The following LRRC69 variants were observed in gnomAD, a reference collection of about 807,000 sequenced individuals.
LRRC69 encodes leucine rich repeat containing 69, also known as leucine-rich repeat-containing protein 69.
LRRC69 carries 42 observed loss-of-function variants against 37.8 expected under a neutral mutation model. That is an observed-to-expected ratio of 1.11 (90% CI 0.87 to 1.44). LRRC69 has a LOEUF of 1.44. Ranked by LOEUF, LRRC69 falls within the 40% of genes most tolerant of loss-of-function variation. The pLI, the probability that LRRC69 is intolerant of heterozygous loss-of-function variation, is 0.00. For synonymous variants in LRRC69, 141 were observed against 143.1 expected, an observed-to-expected ratio of 0.99 and a Z score of 0.11; for missense variants, 357 against 401.9, an observed-to-expected ratio of 0.89 and a Z score of 0.96.
intron 1 of LRRC69, among the ~76,000 whole-genome samples, chr8:91,119,278 C>T (rs1813573773): frequency 6.6e-6 from 1 of 152,020 alleles, no homozygotes; most frequent in Non-Finnish European, 1.5e-5. Flanking sequence ...CACTGAAGCT[C>T]TGATGTATTT....
chr8:91,190,749 T>C (rs1319824149), intron 6 of LRRC69, among the ~76,000 whole-genome samples: 1 of 152,180 alleles, frequency 6.6e-6, no homozygotes, highest in Non-Finnish European at 1.5e-5. Flanking sequence ...TCTGGCTTTT[T>C]AGCCTTTATA....
downstream of LRRC69, chr8:91,219,122 A>G (rs2130660549): frequency 4.5e-6 from 2 of 447,132 alleles, no homozygotes; most frequent in South Asian, 8.6e-5. Flanking sequence ...ATAAAGGAAG[A>G]AAAATAATTC....
chr8:91,138,147 C>A (rs1010840214), intron 5 of LRRC69, among the ~76,000 whole-genome samples: 2 of 151,686 alleles, frequency 1.3e-5, no homozygotes, highest in African/African-American at 4.8e-5. Context: ...TAGTTGGTTT[C>A]CAGGAATAGA....
chr8:91,154,423 CA>C (rs978362578), intron 5 of LRRC69, among the ~76,000 whole-genome samples: 1 of 150,904 alleles, frequency 6.6e-6, no homozygotes, highest in African/African-American at 2.4e-5. Context: ...AGACACACAA[CA>C]AAAAAAACTT....
intron 1 of LRRC69, among the ~76,000 whole-genome samples, chr8:91,106,623 A>C (rs1030812322): frequency 1.3e-5 from 2 of 151,958 alleles, no homozygotes; most frequent in Admixed American, 6.6e-5. Flanking sequence ...GTAAATATAA[A>C]ATGAGGTCTC....
chr8:91,115,341 G>T (rs1757942536), intron 1 of LRRC69, among the ~76,000 whole-genome samples: 1 of 151,978 alleles, frequency 6.6e-6, no homozygotes, highest in African/African-American at 2.4e-5. Flanking sequence ...CTCCAGGCAG[G>T]TAACATATGA....
intron 5 of LRRC69, among the ~76,000 whole-genome samples, chr8:91,159,609 A>G (rs548145337): frequency 5.2e-4 from 79 of 151,386 alleles, no homozygotes; most frequent in Non-Finnish European, 8.4e-4. Flanking sequence ...GGCTGAAAAA[A>G]ACATGCATTT....
rs556372159 is a variant in LRRC69, at chr8:91,171,011, G to A, written c.652-18511G>A. The stretch of plus-strand genomic sequence containing the variant: ...TTTCGCAACCTACTCATCTGACAAA[G>A]GGCTAATATCCAGAATCTACAATGA... On this transcript the variant is annotated intron_variant, in intron 5 of 7. Transcript: ENST00000448384. 4.4e-3 allele frequency among the ~76,000 whole-genome samples: 662 copies of A among 149,044 alleles called. 5 individuals carry two copies. Among genetic ancestry groups the A allele is most frequent in the African/African-American group, 0.016 (640 of 40,510 alleles).
In LRRC69 at chr8:91,191,045, C is replaced by A. The variant is rs866394647; in HGVS notation, c.753+1422C>A. On this transcript the variant is annotated intron_variant, in intron 6 of 7. Transcript: ENST00000448384. ...CAGAGCAGGATCCTGTCTCAAACCC[C>A]CCCCCCCCCAAGTCAAAAAGCAACA... Among the ~76,000 whole-genome samples the A allele has an allele frequency of 5.4e-4, 76 of 141,084 alleles. 1 individual carries two copies. Among genetic ancestry groups the A allele is most frequent in the Admixed American group, 2.3e-3 (32 of 14,194 alleles). The allele number at this position is 141,084 out of a possible 152,430, so 92.6% of individuals were successfully genotyped here.
chr8:91,138,068 C>T (rs974041176), intron 5 of LRRC69, among the ~76,000 whole-genome samples: 11 of 151,764 alleles, frequency 7.2e-5, no homozygotes, highest in Non-Finnish European at 1.2e-4. Context: ...ATCTATATAA[C>T]GACAATATTA....
In LRRC69 at chr8:91,164,121, G is replaced by T. The variant is rs10956796; in HGVS notation, c.652-25401G>T. Among the ~76,000 whole-genome samples the T allele has an allele frequency of 2.8e-4, 42 of 151,332 alleles. 1 individual carries two copies. The South Asian group carries it at 5.4e-3, about 19-fold the overall frequency. Reference sequence around the variant, plus strand: ...TGGGATCAAATAAATTTATAGAAAAGTTCCTACAACTTTATAAATGTTAGC... The same window carrying T: ...TGGGATCAAATAAATTTATAGAAAATTTCCTACAACTTTATAAATGTTAGC... On this transcript the variant is annotated intron_variant, in intron 5 of 7. Transcript: ENST00000448384.
At chr8:91,214,193 A>G (rs1809994100) in intron 7 of LRRC69, among the ~76,000 whole-genome samples, 1 of 152,060 alleles carries the variant, frequency 6.6e-6, no homozygotes, top group South Asian at 2.1e-4. Context: ...GAAGGACAAT[A>G]TAAATTGTTG....
exon 1 of LRRC69, chr8:91,102,667 T>C (rs747491812): frequency 9.0e-6 from 14 of 1,550,082 alleles, no homozygotes; most frequent in Non-Finnish European, 1.1e-5. Flanking sequence ...AGATCATGAC[T>C]GAGAGATTGT....
intron 7 of LRRC69, among the ~76,000 whole-genome samples, chr8:91,218,681 A>T (rs1283573233): frequency 6.6e-6 from 1 of 152,118 alleles, no homozygotes; most frequent in East Asian, 1.9e-4. Flanking sequence ...ATCTTTCATC[A>T]TTTGGATTTT....
At position 91,135,682 on chromosome 8, in the gene LRRC69, TA is replaced by T. The variant is rs1813899532; in HGVS notation, c.600del (p.Lys200AsnfsTer2). ...TTCTGACACAGGAACTTTGTGATCT[TA>T]AAAAACTAAGAATCCTAGACATAGC... On this transcript the variant is annotated frameshift_variant, in exon 5 of 8. Coordinates refer to ENST00000448384, the Ensembl canonical transcript of LRRC69. LOFTEE classifies it high-confidence loss of function. 6.8e-7 allele frequency: 1 copy of T among 1,476,752 alleles called. No individual in the cohort carries two copies. Among genetic ancestry groups the T allele is most frequent in the Admixed American group, 2.8e-5 (1 of 35,182 alleles). The allele number at this position is 1,476,752 out of a possible 1,614,324, so 91.5% of individuals were successfully genotyped here. A position where few individuals can be genotyped will look rare whatever the true frequency, so the allele number is the denominator to read the frequency against.
At chr8:91,142,066 TTTTTA>T (rs1296907124) in intron 5 of LRRC69, among the ~76,000 whole-genome samples, 4 of 151,988 alleles carry the variant, frequency 2.6e-5, no homozygotes, top group Admixed American at 2.6e-4. Context: ...TTTGAAACAG[TTTTTA>T]TTTTAATCTT....
chr8:91,205,682 G>A (rs963422196), intron 7 of LRRC69: 11 of 152,080 alleles, frequency 7.2e-5, no homozygotes, highest in African/African-American at 2.4e-4. Context: ...GAGACTAAAA[G>A]GAAGGCTAGA....
At chr8:91,181,751 G>A (rs1264669325) in intron 5 of LRRC69, among the ~76,000 whole-genome samples, 1 of 152,136 alleles carries the variant, frequency 6.6e-6, no homozygotes, top group Non-Finnish European at 1.5e-5. Context: ...GGAGAAAGAA[G>A]CAATTGATGA....
intron 1 of LRRC69, among the ~76,000 whole-genome samples, chr8:91,114,455 G>GTGTGTGTGTGCA (rs142337818): frequency 6.6e-6 from 1 of 151,086 alleles, no homozygotes; most frequent in East Asian, 2.0e-4. Context: ...GTGTGTGTGT[G>GTGTGTGTGTGCA]TATATATATA....
Sources: allele counts gnomAD v4.1 joint callset (sites outside exome capture counted in the v4.1 genomes callset), GRCh38; gene constraint gnomAD v4.1.1; transcripts MANE v1.5; gene names NCBI Gene and HGNC (gene_info 2026-07-23, HGNC 2026-07-21).